LDB2: variants seen among roughly 807,000 people sequenced by gnomAD.
LDB2 encodes the protein LIM domain-binding protein 2.
A neutral mutation model predicts 44.3 loss-of-function variants in LDB2; 12 were observed. That is an observed-to-expected ratio of 0.27 (90% confidence interval 0.17 to 0.44). The LOEUF (loss-of-function observed/expected upper bound fraction) is 0.44. LDB2 is among the 20% of genes least tolerant of loss of function. LDB2 has a pLI of 1.00. For synonymous variants in LDB2, 164 were observed against 174.8 expected, an observed-to-expected ratio of 0.94 and a Z score of 0.49; for missense variants, 344 against 473.5, an observed-to-expected ratio of 0.73 and a Z score of 2.54.
chr4:16,665,738 G>C (rs766352473), intron 2 of LDB2, among the ~76,000 whole-genome samples: 24 of 152,122 alleles, frequency 1.6e-4, no homozygotes, highest in African/African-American at 5.8e-4. Context: ...CATTTGGAAC[G>C]TGTAAATGTG....
intron 5 of LDB2, among the ~76,000 whole-genome samples, chr4:16,555,736 T>A (rs909548250): frequency 6.6e-6 from 1 of 152,340 alleles, no homozygotes; most frequent in Non-Finnish European, 1.5e-5. Flanking sequence ...GACAGATGTA[T>A]CTGCTCTCAC....
intron 1 of LDB2, among the ~76,000 whole-genome samples, chr4:16,882,331 T>C (rs1720386279): frequency 6.6e-6 from 1 of 152,230 alleles, no homozygotes; most frequent in African/African-American, 2.4e-5. Context: ...ACTTCTTAAA[T>C]GGTTTTAAAA....
intron 5 of LDB2, among the ~76,000 whole-genome samples, chr4:16,578,723 T>C (rs1712928860): frequency 6.6e-6 from 1 of 152,184 alleles, no homozygotes; most frequent in Non-Finnish European, 1.5e-5. Flanking sequence ...AGGAAATCAG[T>C]ATGTCAAAGA....
chr4:16,835,274 T>C (rs1033521322), intron 1 of LDB2, among the ~76,000 whole-genome samples: 11 of 152,216 alleles, frequency 7.2e-5, no homozygotes, highest in Non-Finnish European at 1.5e-4. Flanking sequence ...CTCAGGCTCC[T>C]TGCCAGTCAA....
At chr4:16,796,497 T>C (rs1561260677) in intron 1 of LDB2, among the ~76,000 whole-genome samples, 1 of 152,082 alleles carries the variant, frequency 6.6e-6, no homozygotes, top group Non-Finnish European at 1.5e-5. Context: ...TATACATACA[T>C]GGTTGAATAA....
intron 2 of LDB2, among the ~76,000 whole-genome samples, chr4:16,719,795 T>C (rs1398608659): frequency 3.3e-5 from 5 of 152,106 alleles, no homozygotes; most frequent in Non-Finnish European, 5.9e-5. Context: ...TTTGTTATCA[T>C]ATATTATATG....
At chr4:16,557,278 G>T (rs191572322) in intron 5 of LDB2, among the ~76,000 whole-genome samples, 1 of 152,330 alleles carries the variant, frequency 6.6e-6, no homozygotes, top group South Asian at 2.1e-4. Context: ...CTCGGGAAGC[G>T]CAAGGGGTCA....
intron 1 of LDB2, among the ~76,000 whole-genome samples, chr4:16,870,369 G>A (rs1716135777): frequency 6.6e-6 from 1 of 152,178 alleles, no homozygotes; most frequent in Admixed American, 6.5e-5. Context: ...GTATCTTACA[G>A]ATAAGAAAAG....
intron 5 of LDB2, among the ~76,000 whole-genome samples, chr4:16,554,918 C>G (rs1242030182): frequency 6.6e-6 from 1 of 152,156 alleles, no homozygotes; most frequent in Non-Finnish European, 1.5e-5. Flanking sequence ...AAACTATGGA[C>G]TTTGGGTGAT....
intron 5 of LDB2, among the ~76,000 whole-genome samples, chr4:16,562,544 G>A (rs1742787737): frequency 6.6e-6 from 1 of 152,172 alleles, no homozygotes. Flanking sequence ...TACAATGGCA[G>A]TCATTAAAAA....
At chr4:16,827,529 G>A (rs1783283214) in intron 1 of LDB2, among the ~76,000 whole-genome samples, 1 of 152,146 alleles carries the variant, frequency 6.6e-6, no homozygotes, top group African/African-American at 2.4e-5. Context: ...AATAGGCTTT[G>A]CAAGGCTTTC....
At position 16,525,219 on chromosome 4, in the gene LDB2, T is replaced by A. The variant is rs1232076319; in HGVS notation, c.616-13115A>T. Among the ~76,000 whole-genome samples, 4 of 152,134 alleles carry A rather than the reference T, an allele frequency of 2.6e-5. No individual in the cohort carries two copies. The East Asian group carries it at 7.7e-4, about 29-fold the overall frequency. On this transcript the variant is annotated intron_variant, in intron 5 of 7. Transcript: ENST00000304523. Reference sequence around the variant, plus strand: ...TCCCTAAGGCTGCTGTTTGGGAGGATTTCGGGGCTGCTGATCAGTGTGGGG... The same window carrying A: ...TCCCTAAGGCTGCTGTTTGGGAGGAATTCGGGGCTGCTGATCAGTGTGGGG...
intron 5 of LDB2, among the ~76,000 whole-genome samples, chr4:16,550,123 G>A (rs1217338879): frequency 2.6e-5 from 4 of 152,164 alleles, no homozygotes; most frequent in Non-Finnish European, 5.9e-5. Context: ...AACATGTTAG[G>A]CCTCATTCTC....
intron 2 of LDB2, among the ~76,000 whole-genome samples, chr4:16,702,818 C>A (rs1753752434): frequency 6.6e-6 from 1 of 152,200 alleles, no homozygotes; most frequent in African/African-American, 2.4e-5. Flanking sequence ...CCACTCATGA[C>A]CTTCCCATGA....
intron 2 of LDB2, among the ~76,000 whole-genome samples, chr4:16,626,174 G>T (rs1188673337): frequency 6.6e-6 from 1 of 152,210 alleles, no homozygotes; most frequent in African/African-American, 2.4e-5. Flanking sequence ...GATAAGTTGT[G>T]CAGTGTCACA....
intron 1 of LDB2, among the ~76,000 whole-genome samples, chr4:16,786,339 T>C (rs968537248): frequency 6.6e-5 from 10 of 152,224 alleles, no homozygotes; most frequent in Non-Finnish European, 1.2e-4. Context: ...ATCTGCTGTC[T>C]GTTTATTTGT....
chr4:16,763,518 T>C (rs987962921), intron 1 of LDB2, among the ~76,000 whole-genome samples: 1 of 151,370 alleles, frequency 6.6e-6, no homozygotes, highest in Non-Finnish European at 1.5e-5. Context: ...AACAAATGTT[T>C]ATTTAGGAAA....
At chr4:16,588,593 C>T in intron 4 of LDB2, 117 bp downstream of exon 4, 2 of 1,059,276 alleles carry the variant, frequency 1.9e-6, no homozygotes, top group Non-Finnish European at 2.7e-6. Flanking sequence ...AGTTAATTAC[C>T]TAAAGCGTGA....
At chr4:16,617,718 G>T (rs1727723103) in intron 2 of LDB2, among the ~76,000 whole-genome samples, 1 of 152,118 alleles carries the variant, frequency 6.6e-6, no homozygotes, top group Non-Finnish European at 1.5e-5. Context: ...AGGTTTCTAT[G>T]GTATTGTCAT....
Sources: allele counts gnomAD v4.1 joint callset (sites outside exome capture counted in the v4.1 genomes callset), GRCh38; gene constraint gnomAD v4.1.1; transcripts MANE v1.5; gene names NCBI Gene and HGNC (gene_info 2026-07-23, HGNC 2026-07-21).